Variants in RBFOX1 observed in about 807,000 individuals in gnomAD.
The protein encoded by RBFOX1 is RNA binding fox-1 homolog 1.
A neutral mutation model predicts 57.7 loss-of-function variants in RBFOX1; 8 were observed. The observed-to-expected ratio is 0.14, with a 90% CI of 0.08 to 0.25. The LOEUF (loss-of-function observed/expected upper bound fraction) is 0.25. Ranked by LOEUF, RBFOX1 falls within the 10% of genes least tolerant of loss-of-function variation. The probability of loss-of-function intolerance (pLI) is 1.00; values close to 1 mark genes in which losing one functional copy is unlikely to be tolerated. For synonymous variants in RBFOX1, 326 were observed against 222.4 expected (o/e 1.47, Z -4.15); for missense variants, 611 against 548.5 (o/e 1.11, Z -1.14).
chr16:5,844,653 T>TA (rs1040264122), intron 3 of RBFOX1, among the ~76,000 whole-genome samples: 2 of 151,750 alleles, frequency 1.3e-5, no homozygotes, highest in African/African-American at 4.8e-5. Context: ...CTGAATGAAA[T>TA]AAAAAAAAGG....
At chr16:6,772,340 C>G (rs1200925777) in intron 3 of RBFOX1, among the ~76,000 whole-genome samples, 1 of 152,120 alleles carries the variant, frequency 6.6e-6, no homozygotes, top group East Asian at 1.9e-4. Context: ...GTGAGCTATC[C>G]AAATAATTTA....
At chr16:6,444,087 T>C (rs149109519) in intron 2 of RBFOX1, among the ~76,000 whole-genome samples, 98 of 152,278 alleles carry the variant, frequency 6.4e-4, no homozygotes, top group African/African-American at 2.2e-3. Context: ...TAATGTGAAA[T>C]GAGGAAGTTA....
intron 4 of RBFOX1, among the ~76,000 whole-genome samples, chr16:7,236,920 A>G (rs375219167): frequency 5.9e-5 from 9 of 152,276 alleles, no homozygotes; most frequent in East Asian, 1.9e-4. Context: ...CAACATTACT[A>G]TAAATGATCT....
intron 4 of RBFOX1, among the ~76,000 whole-genome samples, chr16:7,414,319 G>A (rs958945375): frequency 3.9e-5 from 6 of 152,238 alleles, no homozygotes; most frequent in African/African-American, 1.4e-4. Context: ...GTTATGGGAA[G>A]TGGTACAAAG....
At chr16:6,208,602 G>A (rs557727962) in intron 1 of RBFOX1, among the ~76,000 whole-genome samples, 2 of 152,202 alleles carry the variant, frequency 1.3e-5, no homozygotes, top group South Asian at 2.1e-4. Context: ...ACCCATGTCC[G>A]CTGACGGTGT....
At chr16:6,895,888 G>A (rs1388574094) in intron 3 of RBFOX1, among the ~76,000 whole-genome samples, 1 of 151,928 alleles carries the variant, frequency 6.6e-6, no homozygotes, top group Non-Finnish European at 1.5e-5. Flanking sequence ...ATCCTCTTAT[G>A]TCATCTTTTT....
chr16:6,884,858 A>C (rs961030284), intron 3 of RBFOX1, among the ~76,000 whole-genome samples: 4 of 152,186 alleles, frequency 2.6e-5, no homozygotes, highest in Admixed American at 2.6e-4. Flanking sequence ...AGAGTGCTCC[A>C]CTGCACTCCA....
chr16:7,325,626 A>C (rs968805063), intron 4 of RBFOX1, among the ~76,000 whole-genome samples: 1 of 152,068 alleles, frequency 6.6e-6, no homozygotes, highest in Non-Finnish European at 1.5e-5. Flanking sequence ...TTAGTCCTCC[A>C]CTGAGATTTC....
rs140974704 is a variant in RBFOX1, at chr16:7,440,229, C to A, written c.28-77918C>A. Among the ~76,000 whole-genome samples, 660 of 152,270 alleles carry A rather than the reference C, an allele frequency of 4.3e-3. 4 individuals are homozygous for A. The highest frequency in any genetic ancestry group is 0.015 in the African/African-American group (634 of 41,554). On this transcript the variant is annotated intron_variant, in intron 4 of 15. Coordinates refer to ENST00000550418, the MANE Select transcript of RBFOX1 (RefSeq NM_018723.4). Reference sequence around the variant, plus strand: ...TTTATGGTAACATAAATTCATGCCACTGTGGCCTGCTGGTCTTCCCAATTA... The same window carrying A: ...TTTATGGTAACATAAATTCATGCCAATGTGGCCTGCTGGTCTTCCCAATTA...
intron 4 of RBFOX1, among the ~76,000 whole-genome samples, chr16:5,893,594 G>C (rs1283559170): frequency 6.6e-6 from 1 of 152,156 alleles, no homozygotes; most frequent in Admixed American, 6.5e-5. Context: ...ATCACCTGAG[G>C]TCAGGGGTTC....
chr16:6,917,242 C>T, intron 3 of RBFOX1, among the ~76,000 whole-genome samples: 1 of 152,310 alleles, frequency 6.6e-6, no homozygotes, highest in Non-Finnish European at 1.5e-5. Context: ...GGTCCCCGCT[C>T]TCACTGCAAA....
At chr16:7,109,960 T>C (rs775781974) in intron 4 of RBFOX1, among the ~76,000 whole-genome samples, 78 of 151,682 alleles carry the variant, frequency 5.1e-4, no homozygotes, top group South Asian at 1.7e-3. Flanking sequence ...GTGATAGGGG[T>C]TATTAAGGAC....
chr16:5,936,210 G>A (rs1396888045), intron 4 of RBFOX1, among the ~76,000 whole-genome samples: 2 of 152,134 alleles, frequency 1.3e-5, no homozygotes, highest in African/African-American at 2.4e-5. Context: ...TGCAACTTCT[G>A]TCTCCCAGGT....
intron 4 of RBFOX1, among the ~76,000 whole-genome samples, chr16:7,441,203 G>T (rs556230308): frequency 1.3e-5 from 2 of 152,270 alleles, no homozygotes; most frequent in African/African-American, 2.4e-5. Flanking sequence ...TGCTGCATGC[G>T]CATGACTTGG....
At chr16:5,398,319 G>C (rs555285979) in intron 1 of RBFOX1, among the ~76,000 whole-genome samples, 1 of 152,068 alleles carries the variant, frequency 6.6e-6, no homozygotes, top group African/African-American at 2.4e-5. Flanking sequence ...ATGTGTGCTC[G>C]TGTGCATATG....
At chr16:6,535,057 G>T (rs915170787) in intron 2 of RBFOX1, among the ~76,000 whole-genome samples, 2 of 152,208 alleles carry the variant, frequency 1.3e-5, no homozygotes, top group Non-Finnish European at 2.9e-5. Context: ...TCCGCATCCT[G>T]CAGCAAAAGC....
intron 3 of RBFOX1, among the ~76,000 whole-genome samples, chr16:5,686,710 C>G: frequency 6.6e-6 from 1 of 152,270 alleles, no homozygotes; most frequent in East Asian, 1.9e-4. Context: ...GCCTAACTCT[C>G]ATAGTGGAAA....
chr16:5,418,316 C>T (rs1210349532), intron 1 of RBFOX1, among the ~76,000 whole-genome samples: 2 of 150,570 alleles, frequency 1.3e-5, no homozygotes, highest in Non-Finnish European at 3.0e-5. Flanking sequence ...GAGCCCTGGC[C>T]CTTGGGGGCA....
intron 14 of RBFOX1, among the ~76,000 whole-genome samples, chr16:7,677,160 C>CACACACA (rs1555762483): frequency 6.6e-6 from 1 of 151,334 alleles, no homozygotes; most frequent in Non-Finnish European, 1.5e-5. Context: ...CACACACACA[C>CACACACA]CGTACAACCT....
Sources: gnomAD v4.1 joint callset for allele counts (sites outside exome capture counted in the v4.1 genomes callset) on GRCh38, gnomAD v4.1.1 for gene constraint, MANE v1.5 for transcripts, NCBI Gene and HGNC (gene_info 2026-07-23, HGNC 2026-07-21) for gene names.